KNL1: variants seen among roughly 807,000 people sequenced by gnomAD.
KNL1 encodes outer kinetochore KNL1 complex subunit KNL1.
In KNL1, 66 loss-of-function variants were observed where a neutral mutation model predicts 201.3. That is an observed-to-expected ratio of 0.33 (90% CI 0.27 to 0.40). The LOEUF (loss-of-function observed/expected upper bound fraction) is 0.40, where lower values mean the gene tolerates loss of function less well. Ranked by LOEUF, KNL1 falls within the 10% of genes least tolerant of loss-of-function variation. KNL1 has a pLI of 1.00. For synonymous variants in KNL1, 895 were observed against 899.2 expected, an observed-to-expected ratio of 1.00 and a Z score of 0.08; for missense variants, 2,815 against 2,690.5, an observed-to-expected ratio of 1.05 and a Z score of -1.02.
intron 14 of KNL1, among the ~76,000 whole-genome samples, chr15:40,644,391 G>T (rs1447698406): frequency 6.6e-6 from 1 of 152,156 alleles, no homozygotes; most frequent in African/African-American, 2.4e-5. Context: ...TCTCAGAATC[G>T]AACAAATGTA....
chr15:40,645,646 T>C lies in KNL1; in HGVS notation c.5890-10T>C, dbSNP rs925458968. On this transcript the variant is annotated splice_polypyrimidine_tract_variant and intron_variant, in intron 15 of 25. Transcript: ENST00000399668. Reference sequence around the variant, plus strand: ...TTTAGTACAGTGTTCTCTATAACTTTCCCTTCCAGCTGAAGGCCTTTGGAA... The same window carrying C: ...TTTAGTACAGTGTTCTCTATAACTTCCCCTTCCAGCTGAAGGCCTTTGGAA... 6 of 1,492,510 alleles carry C rather than the reference T, an allele frequency of 4.0e-6. No individual in the cohort carries two copies. The highest frequency in any genetic ancestry group is 5.6e-6 in the Non-Finnish European group (6 of 1,078,806). The allele number at this position is 1,492,510 out of a possible 1,614,324, so 92.5% of individuals were successfully genotyped here.
intron 1 of KNL1, among the ~76,000 whole-genome samples, chr15:40,597,844 A>G (rs1891664329): frequency 6.6e-6 from 1 of 152,192 alleles, no homozygotes; most frequent in Non-Finnish European, 1.5e-5. Flanking sequence ...GATAGTAGTT[A>G]TTATCTGTGA....
chr15:40,637,735 A>G (rs1893099896), intron 13 of KNL1, among the ~76,000 whole-genome samples: 1 of 152,224 alleles, frequency 6.6e-6, no homozygotes, highest in Non-Finnish European at 1.5e-5. Context: ...TGTTTCATGC[A>G]GATTATTTAA....
In KNL1 at chr15:40,624,667, C is replaced by G; in HGVS notation, c.4403C>G (p.Ser1468Cys). ...SSINKEEVILSKAGNKSLNII... is the reference protein window; with the variant it reads ...SSINKEEVILCKAGNKSLNII... ...ATCAATAAAGAAGAAGTAATACTGT[C>G]TAAAGCTGGAAATAAGAGTTTAAAT... The change falls in exon 10 of 26, where the codon TCT (serine) becomes TGT (cysteine). Residue 1468 changes from serine (S) to cysteine (C), a missense_variant. Physicochemically the swap from Ser to Cys is moderately radical, Grantham distance 112. Transcript: ENST00000399668. The G allele has an allele frequency of 6.2e-7, 1 of 1,613,124 alleles. No individual in the cohort carries two copies. Among genetic ancestry groups the G allele is most frequent in the Admixed American group, 1.7e-5 (1 of 59,806 alleles).
At chr15:40,602,830 C>A in intron 1 of KNL1, 85 bp from the exon 2 acceptor site, 1 of 740,642 alleles carries the variant, frequency 1.4e-6, no homozygotes, top group South Asian at 1.7e-5. Flanking sequence ...ACCCTGAAGT[C>A]ACCATCTGTA....
At position 40,620,694 on chromosome 15, in the gene KNL1, AT is replaced by A; in HGVS notation, c.436del (p.Ser146GlnfsTer8). On this transcript the variant is annotated frameshift_variant, in exon 10 of 26. Transcript: ENST00000399668. LOFTEE classifies it high-confidence loss of function. Reference sequence around the variant, plus strand: ...GAAACATGCAAATGACCAGACAGTCATTTTTTCAGATGAAAACCAGATGGAC... The same window carrying A: ...GAAACATGCAAATGACCAGACAGTCATTTTTCAGATGAAAACCAGATGGAC... Reference protein sequence around the residue: ...ERKHANDQTVIFSDENQMDLT... With the variant: ...ERKHANDQTVXFSDENQMDLT... 6.2e-7 allele frequency: 1 copy of A among 1,603,350 alleles called. No individual in the cohort carries two copies.
intron 13 of KNL1, among the ~76,000 whole-genome samples, chr15:40,639,668 G>A (rs373186318): frequency 1.1e-4 from 17 of 152,070 alleles, no homozygotes; most frequent in African/African-American, 3.9e-4. Flanking sequence ...CAGCTAATTG[G>A]CAGGCTGAGG....
At position 40,641,106 on chromosome 15, in the gene KNL1, A is replaced by G. The variant is rs1595938901; in HGVS notation, c.5798+79A>G. ...TAGTTTGTGTGGTAAGGTTTTGATT[A>G]GAATAATGCTGGCATGGGGTAAAAT... On this transcript the variant is annotated intron_variant, in intron 14 of 25. Coordinates refer to ENST00000399668, the MANE Select transcript of KNL1 (RefSeq NM_144508.5). The G allele has an allele frequency of 4.2e-6, 4 of 948,774 alleles. No individual in the cohort carries two copies. In the East Asian group the frequency reaches 7.5e-5, roughly 18 times the overall value. The allele number at this position is 948,774 out of a possible 1,614,324, so 58.8% of individuals were successfully genotyped here.
intron 17 of KNL1, among the ~76,000 whole-genome samples, chr15:40,648,364 C>T (rs1238103336): frequency 6.6e-6 from 1 of 152,086 alleles, no homozygotes; most frequent in East Asian, 1.9e-4. Flanking sequence ...CCCAGGAGGT[C>T]AAGACTACAG....
At chr15:40,606,652 G>A (rs1436165831) in intron 4 of KNL1, among the ~76,000 whole-genome samples, 200 bp downstream of exon 4, 1 of 152,188 alleles carries the variant, frequency 6.6e-6, no homozygotes, top group Non-Finnish European at 1.5e-5. Context: ...AGGTTGGAGT[G>A]TAGTGGCACA....
chr15:40,610,942 G>T, intron 6 of KNL1: 1 of 416,808 alleles, frequency 2.4e-6, no homozygotes, highest in Non-Finnish European at 4.8e-6. Flanking sequence ...TAGAGACAGG[G>T]TTTCACCATA....
intron 24 of KNL1, among the ~76,000 whole-genome samples, chr15:40,658,907 G>A (rs1893819883): frequency 6.7e-6 from 1 of 148,344 alleles, no homozygotes; most frequent in South Asian, 2.1e-4. Context: ...TCCAGCCTGG[G>A]TGACAGAGCG....
rs1168963582 is a variant in KNL1, at chr15:40,621,727, A to G, written c.1463A>G (p.Lys488Arg). 1 of 1,613,184 alleles carries G rather than the reference A, an allele frequency of 6.2e-7. No individual in the cohort carries two copies. Among genetic ancestry groups the G allele is most frequent in the Non-Finnish European group, 8.5e-7 (1 of 1,179,286 alleles). ...GGAGAGGAGAACATGGACATTACCA[A>G]GAGTCATACAGTTGCAATAGATAAT... ...YSGEENMDIT[K>R]SHTVAIDNQI... The change falls in exon 10 of 26, where the codon AAG becomes AGG. Residue 488 changes from lysine (K) to arginine (R), a missense_variant. Physicochemically the swap from Lys to Arg is conservative, Grantham distance 26. Around this residue, in one of 3 missense-constraint regions of KNL1, gnomAD observed 2,464 missense variants for 2,291.7 expected, o/e 1.08. Coordinates refer to ENST00000399668, the MANE Select transcript of KNL1 (RefSeq NM_144508.5).
chr15:40,654,440 G>A (rs1192499027), intron 21 of KNL1, among the ~76,000 whole-genome samples: 1 of 151,774 alleles, frequency 6.6e-6, no homozygotes, highest in African/African-American at 2.4e-5. Flanking sequence ...AACAGTCTCA[G>A]GGGAGCCTTT....
chr15:40,641,876 T>C (rs1334609248), intron 14 of KNL1, among the ~76,000 whole-genome samples: 1 of 152,234 alleles, frequency 6.6e-6, no homozygotes, highest in Non-Finnish European at 1.5e-5. Flanking sequence ...AGAAGATAGC[T>C]CATTGCTATG....
chr15:40,625,333 C>G lies in KNL1; in HGVS notation c.5069C>G (p.Ser1690Cys). The change falls in exon 10 of 26, where the codon TCT becomes TGT. Residue 1690 changes from serine (S) to cysteine (C), a missense_variant. By Grantham distance (112) the Ser-to-Cys change is moderately radical. This residue lies in a region of KNL1 where 2,464 missense variants were observed against 2,291.7 expected (regional missense o/e 1.08). Transcript: ENST00000399668. ...AATCACTTAGAAACTCAGCCGGTCT[C>G]TAGCAAAGATTCAGGCATTGGATCT... ...DINHLETQPV[S>C]SKDSGIGSVA... The G allele has an allele frequency of 1.2e-6, 2 of 1,614,086 alleles. No homozygotes were observed. The highest frequency in any genetic ancestry group is 1.7e-6 in the Non-Finnish European group (2 of 1,179,976).
intron 14 of KNL1, among the ~76,000 whole-genome samples, chr15:40,644,652 G>A (rs977543596): frequency 1.3e-5 from 2 of 152,246 alleles, no homozygotes; most frequent in African/African-American, 4.8e-5. Context: ...TTTCCGCAGT[G>A]CATTGTGCCC....
At chr15:40,597,556 T>A (rs1378960639) in intron 1 of KNL1, among the ~76,000 whole-genome samples, 2 of 152,208 alleles carry the variant, frequency 1.3e-5, no homozygotes, top group African/African-American at 4.8e-5. Flanking sequence ...ATTACAGGCT[T>A]GAGCCATCGC....
intron 1 of KNL1, among the ~76,000 whole-genome samples, chr15:40,599,464 G>T (rs1388947787): frequency 6.8e-6 from 1 of 147,770 alleles, no homozygotes; most frequent in Non-Finnish European, 1.5e-5. Context: ...GCTCACTGCA[G>T]CCTCTGCCTC....
Sources: allele counts gnomAD v4.1 joint callset (sites outside exome capture counted in the v4.1 genomes callset), GRCh38; gene constraint gnomAD v4.1.1; regional missense constraint gnomAD v4.1.1; transcripts MANE v1.5; gene names NCBI Gene and HGNC (gene_info 2026-07-23, HGNC 2026-07-21).